The following GSR variants were observed in gnomAD, a reference collection of about 807,000 sequenced individuals.
GSR encodes glutathione-disulfide reductase.
In GSR, 48 loss-of-function variants were observed where a neutral mutation model predicts 56.5. The observed-to-expected ratio is 0.85, with a 90% CI of 0.67 to 1.08. The LOEUF is 1.08. Among genes scored for constraint, GSR ranks in the 50% least tolerant of loss-of-function variants. The pLI, the probability that GSR is intolerant of heterozygous loss-of-function variation, is 0.00. For synonymous variants in GSR, 264 were observed against 270.8 expected (o/e 0.97, Z 0.25); for missense variants, 694 against 703.3 (o/e 0.99, Z 0.15).
intron 1 of GSR, among the ~76,000 whole-genome samples, chr8:30,717,224 C>G (rs369210261): frequency 6.8e-6 from 1 of 146,392 alleles, no homozygotes; most frequent in African/African-American, 2.5e-5. Context: ...GCAACAAGAG[C>G]GAAACTCTAT....
chr8:30,694,225 C>T lies in GSR; in HGVS notation c.796-1170G>A, dbSNP rs144400509. 1.4e-4 allele frequency among the ~76,000 whole-genome samples: 22 copies of T among 152,272 alleles called. 1 individual carries two copies. The East Asian group carries it at 3.7e-3, about 25-fold the overall frequency. ...ATCCCTGTCTCCCTCCATCTGCTCA[C>T]ATAAGAATTAGAATCATAGCATCTT... On this transcript the variant is annotated intron_variant, in intron 7 of 12. Transcript: ENST00000221130.
At chr8:30,681,104 G>A (rs556503748) in intron 11 of GSR, 67 bp from the exon 12 acceptor site, 1 of 1,303,136 alleles carries the variant, frequency 7.7e-7, no homozygotes, top group South Asian at 1.2e-5. Flanking sequence ...ATCAAAGAGG[G>A]AGATGACCAG....
intron 7 of GSR, among the ~76,000 whole-genome samples, chr8:30,695,240 T>C (rs1379919955): frequency 3.3e-5 from 5 of 152,068 alleles, no homozygotes; most frequent in Non-Finnish European, 7.4e-5. Flanking sequence ...TTGTTTTGTT[T>C]TGTTTTTTGT....
intron 9 of GSR, among the ~76,000 whole-genome samples, chr8:30,685,602 T>C (rs930876070): frequency 1.3e-5 from 2 of 152,176 alleles, no homozygotes; most frequent in Non-Finnish European, 2.9e-5. Flanking sequence ...GTTATGCTTA[T>C]CATGTGGCTT....
chr8:30,724,172 T>C (rs1275423516), intron 1 of GSR, among the ~76,000 whole-genome samples: 1 of 152,094 alleles, frequency 6.6e-6, no homozygotes, highest in East Asian at 1.9e-4. Flanking sequence ...AGGAGTTCAA[T>C]ACCAGCCTAG....
In GSR at chr8:30,725,055, C is replaced by T. The variant is rs899438674; in HGVS notation, c.306+2475G>A. On this transcript the variant is annotated intron_variant, in intron 1 of 12. Transcript: ENST00000221130. Reference sequence around the variant, plus strand: ...TTGGGGTTCCAATATTTTTTTCTTTCACAACCACAAAATTCCTTAAGGGAA... The same window carrying T: ...TTGGGGTTCCAATATTTTTTTCTTTTACAACCACAAAATTCCTTAAGGGAA... Among the ~76,000 whole-genome samples the T allele has an allele frequency of 2.0e-5, 3 of 151,986 alleles. No individual in the cohort carries two copies. The East Asian group carries it at 5.8e-4, about 29-fold the overall frequency.
chr8:30,711,392 AC>A (rs1804137133), intron 2 of GSR, among the ~76,000 whole-genome samples: 1 of 152,206 alleles, frequency 6.6e-6, no homozygotes. Context: ...ATTCAATGTG[AC>A]CTGCACCACA....
At chr8:30,698,452 G>T (rs1374633909) in intron 6 of GSR, among the ~76,000 whole-genome samples, 1 of 152,142 alleles carries the variant, frequency 6.6e-6, no homozygotes, top group Non-Finnish European at 1.5e-5. Flanking sequence ...ATGCAGGGTG[G>T]ATCACAGGGA....
intron 2 of GSR, among the ~76,000 whole-genome samples, chr8:30,711,259 C>A (rs1167136424): frequency 6.6e-6 from 1 of 152,132 alleles, no homozygotes; most frequent in African/African-American, 2.4e-5. Flanking sequence ...CTTGAGATTA[C>A]AACATATGTT....
chr8:30,681,096 CAA>C, intron 11 of GSR, 59 bp from the exon 12 acceptor site: 1 of 1,399,758 alleles, frequency 7.1e-7, no homozygotes, highest in South Asian at 1.2e-5. Context: ...ACTGAACTAT[CAA>C]AGAGGGAGAT....
chr8:30,714,399 C>T (rs1194595416), intron 1 of GSR, among the ~76,000 whole-genome samples: 1 of 151,912 alleles, frequency 6.6e-6, no homozygotes, highest in African/African-American at 2.4e-5. Flanking sequence ...CAGAGTCGCA[C>T]CATGTTGCCC....
In GSR at chr8:30,692,993, G is replaced by A. The variant is rs758516287; in HGVS notation, c.858C>T (p.Gly286=). Residue 286 remains glycine, a synonymous_variant, in exon 8 of 13, where the codon GGC becomes GGT. Transcript: ENST00000221130. ...TNCTEELENA[G]VEVLKFSQVK... is the part of the protein sequence containing the mutation. ...CCTGGGAGAACTTCAGCACCTCCAC[G>A]CCAGCGTTCTCCAGCTCCTCCGTGC... The A allele has an allele frequency of 1.1e-5, 17 of 1,611,706 alleles. No homozygotes were observed. Among genetic ancestry groups the A allele is most frequent in the African/African-American group, 2.7e-5 (2 of 74,858 alleles).
intron 3 of GSR, 26 bp from the exon 4 acceptor site, chr8:30,708,167 C>G (rs1803980682): frequency 1.3e-6 from 2 of 1,546,480 alleles, no homozygotes; most frequent in African/African-American, 2.7e-5. Flanking sequence ...AGTCAGTATT[C>G]AGAAACAGGA....
At chr8:30,702,409 T>A (rs931246819) in intron 5 of GSR, among the ~76,000 whole-genome samples, 2 of 152,178 alleles carry the variant, frequency 1.3e-5, no homozygotes, top group African/African-American at 4.8e-5. Flanking sequence ...TAATCTTCTA[T>A]AAGTCTCTAC....
intron 5 of GSR, 35 bp from the exon 6 acceptor site, chr8:30,700,170 C>T (rs1803682293): frequency 2.8e-6 from 4 of 1,437,960 alleles, no homozygotes; most frequent in Non-Finnish European, 9.8e-7. Context: ...TCACACAAGA[C>T]TGCTCTTTCT....
At chr8:30,699,013 C>T (rs1241608703) in intron 6 of GSR, among the ~76,000 whole-genome samples, 4 of 152,174 alleles carry the variant, frequency 2.6e-5, no homozygotes, top group Admixed American at 6.6e-5. Flanking sequence ...CCATTCAGCA[C>T]GGTGGCCCAT....
intron 10 of GSR, among the ~76,000 whole-genome samples, chr8:30,683,421 T>G (rs1468307005): frequency 6.6e-6 from 1 of 152,204 alleles, no homozygotes; most frequent in East Asian, 1.9e-4. Flanking sequence ...GAGCTTGCAA[T>G]GGTGCTTAGG....
At chr8:30,690,872 C>T (rs1274227970) in intron 8 of GSR, among the ~76,000 whole-genome samples, 1 of 152,028 alleles carries the variant, frequency 6.6e-6, no homozygotes, top group African/African-American at 2.4e-5. Flanking sequence ...TGAGAACAGC[C>T]TGGGCAACAT....
chr8:30,690,697 A>AT (rs1803350802), intron 8 of GSR, among the ~76,000 whole-genome samples: 1 of 152,194 alleles, frequency 6.6e-6, no homozygotes. Flanking sequence ...ACTGCCTGAA[A>AT]TTCAAGTGAT....
Sources: allele counts gnomAD v4.1 joint callset (sites outside exome capture counted in the v4.1 genomes callset), GRCh38; gene constraint gnomAD v4.1.1; transcripts MANE v1.5; gene names NCBI Gene and HGNC (gene_info 2026-07-23, HGNC 2026-07-21).